PLA2G4A: variants seen among roughly 807,000 people sequenced by gnomAD.
PLA2G4A encodes the protein phospholipase A2 group IVA.
A neutral mutation model predicts 81.9 loss-of-function variants in PLA2G4A; 40 were observed. The observed-to-expected ratio is 0.49, with a 90% CI of 0.38 to 0.64. The LOEUF (loss-of-function observed/expected upper bound fraction) is 0.64, where lower values mean the gene tolerates loss of function less well. PLA2G4A is among the 30% of genes least tolerant of loss of function. The probability of loss-of-function intolerance (pLI) is 0.00; values close to 1 mark genes in which losing one functional copy is unlikely to be tolerated. For synonymous variants in PLA2G4A, 302 were observed against 296.9 expected, an observed-to-expected ratio of 1.02 and a Z score of -0.18; for missense variants, 715 against 905.1, an observed-to-expected ratio of 0.79 and a Z score of 2.69.
intron 13 of PLA2G4A, among the ~76,000 whole-genome samples, chr1:186,953,710 T>A (rs927167139): frequency 6.6e-6 from 1 of 152,244 alleles, no homozygotes; most frequent in Non-Finnish European, 1.5e-5. Context: ...AATAGAAATG[T>A]ACTATTACTG....
intron 14 of PLA2G4A, among the ~76,000 whole-genome samples, chr1:186,956,712 C>T (rs1021622499): frequency 1.3e-5 from 2 of 151,996 alleles, no homozygotes; most frequent in African/African-American, 4.8e-5. Context: ...CAGGTTTTTG[C>T]CGTGTTGCCC....
chr1:186,885,812 G>T (rs920900972), intron 3 of PLA2G4A, among the ~76,000 whole-genome samples: 1 of 151,964 alleles, frequency 6.6e-6, no homozygotes, highest in Admixed American at 6.6e-5. Flanking sequence ...GTTAAAGAGA[G>T]AATTACTGAA....
At chr1:186,932,599 C>G (rs1015568625) in intron 7 of PLA2G4A, among the ~76,000 whole-genome samples, 164 bp from the exon 8 acceptor site, 11 of 126,252 alleles carry the variant, frequency 8.7e-5, no homozygotes, top group Non-Finnish European at 5.8e-5. Context: ...CTGCACCCGG[C>G]CTTATTTTCT....
chr1:186,880,501 ATT>A (rs932493804), intron 3 of PLA2G4A, among the ~76,000 whole-genome samples: 15 of 152,046 alleles, frequency 9.9e-5, no homozygotes, highest in South Asian at 8.3e-4. Flanking sequence ...TTCTAGAGAC[ATT>A]TTTGTCAAAA....
chr1:186,951,601 A>G (rs1353952171), intron 13 of PLA2G4A, among the ~76,000 whole-genome samples: 1 of 152,168 alleles, frequency 6.6e-6, no homozygotes. Context: ...TTCTGGTCCA[A>G]AACTTAATTA....
chr1:186,961,013 C>T (rs532048732), intron 14 of PLA2G4A, among the ~76,000 whole-genome samples: 172 of 152,268 alleles, frequency 1.1e-3, no homozygotes, highest in Non-Finnish European at 2.1e-3. Context: ...ACACTACTTA[C>T]TGGTTTGGCT....
intron 14 of PLA2G4A, among the ~76,000 whole-genome samples, chr1:186,959,257 T>C (rs150088276): frequency 1.7e-4 from 26 of 152,120 alleles, no homozygotes; most frequent in African/African-American, 6.3e-4. Context: ...TGGAGAATAA[T>C]AGTTGTACAC....
intron 3 of PLA2G4A, among the ~76,000 whole-genome samples, chr1:186,888,583 T>C (rs1285638018): frequency 4.6e-5 from 7 of 152,204 alleles, no homozygotes; most frequent in African/African-American, 1.7e-4. Flanking sequence ...TGTAACTGCT[T>C]ATCTTCAATT....
chr1:186,897,855 T>C (rs1158163855), intron 5 of PLA2G4A, among the ~76,000 whole-genome samples: 2 of 152,178 alleles, frequency 1.3e-5, no homozygotes, highest in Non-Finnish European at 2.9e-5. Context: ...TACAGGTTTG[T>C]TATATGGGTA....
chr1:186,958,120 T>G (rs903800094), intron 14 of PLA2G4A, among the ~76,000 whole-genome samples: 11 of 152,076 alleles, frequency 7.2e-5, no homozygotes, highest in Admixed American at 5.3e-4. Context: ...AAATGACCCC[T>G]GTTGTTTAAA....
chr1:186,961,174 G>A (rs1432590726), intron 14 of PLA2G4A, among the ~76,000 whole-genome samples: 4 of 152,108 alleles, frequency 2.6e-5, no homozygotes, highest in Non-Finnish European at 5.9e-5. Context: ...AGAAGCTGGG[G>A]GGGGATTTGG....
chr1:186,844,671 G>A (rs537172370), intron 1 of PLA2G4A, among the ~76,000 whole-genome samples: 15 of 152,230 alleles, frequency 9.9e-5, no homozygotes, highest in Non-Finnish European at 1.8e-4. Flanking sequence ...AGCATTAGGA[G>A]ATATACCTAA....
rs1553222119 is a variant in PLA2G4A at position 186,968,400 on chromosome 1, A to ATGTATG, written c.1764+2810_1764+2811insATGTGT. 1.1e-4 allele frequency among the ~76,000 whole-genome samples: 15 copies of ATGTATG among 137,502 alleles called. No homozygotes were observed. In the East Asian group the frequency reaches 2.8e-3, roughly 25 times the overall value. The allele number at this position is 137,502 out of a possible 152,430, so 90.2% of individuals were successfully genotyped here. ...CTTCTAGTCTCTTTTCGCGGTGTGT[A>ATGTATG]TGTGTGTGTGTGTGTGTGTGTGTGT... On this transcript the variant is annotated intron_variant, in intron 15 of 17. Transcript: ENST00000367466.
chr1:186,870,777 C>G, intron 3 of PLA2G4A: 1 of 1,439,176 alleles, frequency 6.9e-7, no homozygotes, highest in Non-Finnish European at 9.5e-7. Flanking sequence ...TGCTGTTAAA[C>G]GTATAATTAT....
At chr1:186,969,264 T>A (rs1270517121) in intron 15 of PLA2G4A, among the ~76,000 whole-genome samples, 7 of 22,008 alleles carry the variant, frequency 3.2e-4, no homozygotes, top group African/African-American at 5.0e-4. Flanking sequence ...TTTTTTAAAT[T>A]TTTATTTTTA....
intron 5 of PLA2G4A, among the ~76,000 whole-genome samples, chr1:186,897,275 G>C (rs890530338): frequency 2.0e-5 from 3 of 152,126 alleles, no homozygotes; most frequent in Non-Finnish European, 2.9e-5. Flanking sequence ...GATTCCCAGA[G>C]CCCTGCTTTA....
intron 7 of PLA2G4A, among the ~76,000 whole-genome samples, chr1:186,923,862 C>G (rs933301384): frequency 3.9e-5 from 6 of 152,202 alleles, no homozygotes; most frequent in Non-Finnish European, 5.9e-5. Context: ...TTACTGCTAA[C>G]GGCTGACTAC....
chr1:186,852,574 A>G (rs1285337290), intron 1 of PLA2G4A, among the ~76,000 whole-genome samples: 1 of 152,002 alleles, frequency 6.6e-6, no homozygotes, highest in African/African-American at 2.4e-5. Flanking sequence ...CAAGATAGCC[A>G]TTGTCCAGAG....
At position 186,939,207 on chromosome 1, in the gene PLA2G4A, A is replaced by G. The variant is rs567313389; in HGVS notation, c.895A>G (p.Ile299Val). 1.0e-4 allele frequency: 165 copies of G among 1,579,710 alleles called. 2 individuals carry two copies. In the South Asian group the frequency reaches 1.8e-3, roughly 17 times the overall value. ...CTTTACTGATATCTTTGGGATGTTA[A>G]TAGGAGAAACACTAATTCATAATGT... ...VTFTDIFGML[I>V]GETLIHNRMN... Residue 299 changes from isoleucine (I) to valine (V), a missense_variant, in exon 9 of 18, where the codon ATA (isoleucine) becomes GTA (valine). Physicochemically the swap from Ile to Val is conservative, Grantham distance 29. Coordinates refer to ENST00000367466, the MANE Select transcript of PLA2G4A (RefSeq NM_024420.3).
Sources: gnomAD v4.1 joint callset for allele counts (sites outside exome capture counted in the v4.1 genomes callset) on GRCh38, gnomAD v4.1.1 for gene constraint, MANE v1.5 for transcripts, NCBI Gene and HGNC (gene_info 2026-07-23, HGNC 2026-07-21) for gene names.